RALGAPB: variants seen among roughly 807,000 people sequenced by gnomAD.
The protein encoded by RALGAPB is Ral GTPase activating protein non-catalytic subunit beta, also known as ral GTPase-activating protein subunit beta.
In RALGAPB, 25 loss-of-function variants were observed where a neutral mutation model predicts 161.1. The observed-to-expected ratio is 0.16, with a 90% confidence interval of 0.11 to 0.22. The LOEUF is 0.22. Ranked by LOEUF, RALGAPB falls within the 10% of genes least tolerant of loss-of-function variation. The probability of loss-of-function intolerance (pLI) is 1.00; values close to 1 mark genes in which losing one functional copy is unlikely to be tolerated. For missense variants in RALGAPB, 1,391 were observed against 1,815.2 expected (o/e 0.77, Z 4.25); for synonymous variants, 629 against 626.1 (o/e 1.00, Z -0.07).
chr20:38,490,150 C>T (rs1437533632), intron 2 of RALGAPB, among the ~76,000 whole-genome samples: 2 of 151,836 alleles, frequency 1.3e-5, no homozygotes, highest in African/African-American at 4.8e-5. Context: ...GCTGGGACTA[C>T]AGGCACATGC....
intron 10 of RALGAPB, 67 bp downstream of exon 10, chr20:38,521,765 G>C: frequency 6.6e-7 from 1 of 1,511,132 alleles, no homozygotes; most frequent in Non-Finnish European, 9.1e-7. Flanking sequence ...TTGGTTGGCC[G>C]ACTGAACCGA....
intron 5 of RALGAPB, among the ~76,000 whole-genome samples, chr20:38,503,989 A>G (rs2085674357): frequency 6.6e-6 from 1 of 152,252 alleles, no homozygotes; most frequent in African/African-American, 2.4e-5. Flanking sequence ...AATCATTAAA[A>G]TGGCCATACT....
chr20:38,497,685 C>T (rs1378113383), intron 4 of RALGAPB, among the ~76,000 whole-genome samples, 169 bp downstream of exon 4: 1 of 152,032 alleles, frequency 6.6e-6, no homozygotes, highest in Non-Finnish European at 1.5e-5. Context: ...TAACTTTAGC[C>T]CTGATGAAGT....
intron 14 of RALGAPB, among the ~76,000 whole-genome samples, 170 bp from the exon 15 acceptor site, chr20:38,532,560 T>C (rs548410740): frequency 1.2e-3 from 177 of 152,354 alleles, no homozygotes; most frequent in Non-Finnish European, 2.1e-3. Flanking sequence ...TAGATTTGTG[T>C]GTGTAAAAAT....
intron 17 of RALGAPB, 136 bp downstream of exon 17, chr20:38,540,094 A>G (rs1436913752): frequency 2.8e-6 from 2 of 725,288 alleles, no homozygotes; most frequent in Non-Finnish European, 4.2e-6. Flanking sequence ...ATTACAGTGG[A>G]ACACTTGTCC....
intron 13 of RALGAPB, among the ~76,000 whole-genome samples, chr20:38,529,504 C>T (rs1223364029): frequency 1.4e-5 from 2 of 144,570 alleles, no homozygotes; most frequent in East Asian, 2.1e-4. Context: ...GCAATAAGAG[C>T]GAAACTCCGT....
intron 26 of RALGAPB, among the ~76,000 whole-genome samples, chr20:38,567,573 C>A (rs1601081658): frequency 2.0e-5 from 3 of 152,276 alleles, no homozygotes; most frequent in Non-Finnish European, 4.4e-5. Flanking sequence ...TTTAATCTTG[C>A]AATGTTCATC....
chr20:38,539,756 C>T lies in RALGAPB; in HGVS notation c.2380-20C>T, dbSNP rs1568955847. 1 of 1,604,704 alleles carries T rather than the reference C, an allele frequency of 6.2e-7. No individual in the cohort carries two copies. Among genetic ancestry groups the T allele is most frequent in the Non-Finnish European group, 8.5e-7 (1 of 1,173,594 alleles). On this transcript the variant is annotated intron_variant, in intron 16 of 29. Transcript: ENST00000262879. ...TAATTCCTGGCTGATTGTTTTTGTT[C>T]TCCAAATGAATATGCTCAGGTAAAA... is the stretch of plus-strand genomic sequence containing the variant.
chr20:38,513,256 C>T (rs1165934037), intron 6 of RALGAPB, among the ~76,000 whole-genome samples: 5 of 151,914 alleles, frequency 3.3e-5, no homozygotes, highest in Non-Finnish European at 5.9e-5. Flanking sequence ...GTAATCCCAA[C>T]ACTTTGGGAG....
intron 28 of RALGAPB, among the ~76,000 whole-genome samples, chr20:38,573,335 G>A (rs2088310830): frequency 6.6e-6 from 1 of 151,014 alleles, no homozygotes; most frequent in Non-Finnish European, 1.5e-5. Context: ...TTAATGTCTT[G>A]AAAGATTGAT....
chr20:38,569,693 C>A, intron 26 of RALGAPB, 195 bp from the exon 27 acceptor site: 1 of 499,744 alleles, frequency 2.0e-6, no homozygotes, highest in Non-Finnish European at 3.6e-6. Flanking sequence ...AAGCCTTGTC[C>A]TAGGTTAAGA....
chr20:38,473,170 C>G, intron 1 of RALGAPB, 101 bp downstream of exon 1: 2 of 321,836 alleles, frequency 6.2e-6, no homozygotes, highest in Non-Finnish European at 1.1e-5. Context: ...TTTCTCGGCT[C>G]TGGGTGCTCC....
At chr20:38,569,789 A>T in intron 26 of RALGAPB, 99 bp from the exon 27 acceptor site, 1 of 823,814 alleles carries the variant, frequency 1.2e-6, no homozygotes. Context: ...ATACTTGGTC[A>T]CTGAGCACCT....
intron 28 of RALGAPB, 101 bp downstream of exon 28, chr20:38,570,948 C>G (rs1194377798): frequency 4.0e-6 from 3 of 753,420 alleles, no homozygotes; most frequent in Non-Finnish European, 6.4e-6. Flanking sequence ...TTGTAGACAA[C>G]TAGAAATAAA....
rs894098729 is a variant in RALGAPB, at chr20:38,541,820, A to G, written c.2714+628A>G. Among the ~76,000 whole-genome samples the G allele has an allele frequency of 6.6e-5, 10 of 152,210 alleles. 1 individual carries two copies. Among genetic ancestry groups the G allele is most frequent in the Admixed American group, 6.5e-4 (10 of 15,276 alleles). On this transcript the variant is annotated intron_variant, in intron 18 of 29. Transcript: ENST00000262879. Reference sequence around the variant, plus strand: ...AAATGAATACTTCCAGATAAGGGGAAGTCAGAGTAACATTTCTTGAGGAAA... The same window carrying G: ...AAATGAATACTTCCAGATAAGGGGAGGTCAGAGTAACATTTCTTGAGGAAA...
chr20:38,498,442 C>A (rs909333881), intron 4 of RALGAPB, among the ~76,000 whole-genome samples: 6 of 152,164 alleles, frequency 3.9e-5, no homozygotes, highest in African/African-American at 1.4e-4. Context: ...CACACAGATG[C>A]AGTATTCAGG....
chr20:38,517,495 T>C lies in RALGAPB; in HGVS notation c.1052-11T>C, dbSNP rs747015823. On this transcript the variant is annotated splice_polypyrimidine_tract_variant and intron_variant, in intron 7 of 29. Transcript: ENST00000262879. ...AAGAATAATTTCATTTGTCTTTTTTTTTTTTTTAAGGTATTTCTAGACCCC... is the reference window on the plus strand; with the variant it reads ...AAGAATAATTTCATTTGTCTTTTTTCTTTTTTTAAGGTATTTCTAGACCCC... The C allele has an allele frequency of 6.5e-7, 1 of 1,546,554 alleles. No homozygotes were observed. The highest frequency in any genetic ancestry group is 2.2e-5 in the Admixed American group (1 of 44,926).
At position 38,474,451 on chromosome 20, in the gene RALGAPB, A is replaced by AT. The variant is rs377462634; in HGVS notation, c.-31+1390dup. ...ACTACCACGCTTGGCTAATTTTTGA[A>AT]TTTTTTTTGTAGAGATGGGGTTTCT... On this transcript the variant is annotated intron_variant, in intron 1 of 29. Transcript: ENST00000262879. Among the ~76,000 whole-genome samples, 853 of 150,962 alleles carry AT rather than the reference A, an allele frequency of 5.7e-3. 6 individuals are homozygous for AT. Among genetic ancestry groups the AT allele is most frequent in the Middle Eastern group, 0.024 (7 of 292 alleles).
chr20:38,564,276 A>T (rs2087902666), intron 24 of RALGAPB, among the ~76,000 whole-genome samples: 1 of 152,180 alleles, frequency 6.6e-6, no homozygotes. Context: ...TCTAGATTAT[A>T]CATTGTCTAT....
Sources: gnomAD v4.1 joint callset for allele counts (sites outside exome capture counted in the v4.1 genomes callset) on GRCh38, gnomAD v4.1.1 for gene constraint, MANE v1.5 for transcripts, NCBI Gene and HGNC (gene_info 2026-07-23, HGNC 2026-07-21) for gene names.